DRC1: variants seen among roughly 807,000 people sequenced by gnomAD.
DRC1 encodes dynein regulatory complex protein 1.
A neutral mutation model predicts 98.7 loss-of-function variants in DRC1; 74 were observed. The observed-to-expected ratio is 0.75, with a 90% confidence interval of 0.62 to 0.91. DRC1 has a LOEUF of 0.91. DRC1 is among the 40% of genes least tolerant of loss of function. DRC1 has a pLI of 0.00. For missense variants in DRC1, 875 were observed against 886.0 expected, an observed-to-expected ratio of 0.99 and a Z score of 0.16; for synonymous variants, 336 against 334.1, an observed-to-expected ratio of 1.01 and a Z score of -0.06.
chr2:26,416,265 T>A (rs1459023535), intron 2 of DRC1, among the ~76,000 whole-genome samples: 1 of 152,092 alleles, frequency 6.6e-6, no homozygotes, highest in African/African-American at 2.4e-5. Context: ...TTTTTTCTTT[T>A]TTGAGACGGA....
At chr2:26,446,277 T>C (rs1663850724) in intron 10 of DRC1, among the ~76,000 whole-genome samples, 1 of 151,870 alleles carries the variant, frequency 6.6e-6, no homozygotes, top group Non-Finnish European at 1.5e-5. Flanking sequence ...TTGTATTTTT[T>C]TGTAGAGACA....
At chr2:26,426,285 C>T (rs1380719420) in intron 4 of DRC1, among the ~76,000 whole-genome samples, 2 of 151,950 alleles carry the variant, frequency 1.3e-5, no homozygotes, top group African/African-American at 4.8e-5. Context: ...TCTGGGCTCT[C>T]TAGTTCCCTT....
At chr2:26,430,958 CTTTTTTTTTTTT>C (rs5830013) in intron 6 of DRC1, 86 bp downstream of exon 6, 1 of 326,792 alleles carries the variant, frequency 3.1e-6, no homozygotes, top group African/African-American at 3.0e-5. Context: ...CTTTTTCTAT[CTTTTTTTTTTTT>C]TTTTTTTTGA....
At chr2:26,403,253 A>C (rs1441426256) in intron 1 of DRC1, among the ~76,000 whole-genome samples, 1 of 152,216 alleles carries the variant, frequency 6.6e-6, no homozygotes, top group Non-Finnish European at 1.5e-5. Context: ...CACATTTGTA[A>C]CAATATATGA....
chr2:26,412,543 T>TGAA (rs1678649690), intron 1 of DRC1, among the ~76,000 whole-genome samples: 1 of 152,108 alleles, frequency 6.6e-6, no homozygotes. Context: ...ATGCCTCCCC[T>TGAA]GAAGAAGTCT....
At chr2:26,428,612 C>T (rs771983699) in intron 4 of DRC1, among the ~76,000 whole-genome samples, 14 of 152,300 alleles carry the variant, frequency 9.2e-5, no homozygotes, top group Middle Eastern at 6.8e-3. Flanking sequence ...TCCTGGCTAA[C>T]ACGGTGAAAC....
Position 26,451,506 on chromosome 2 carries a change from C to CA in DRC1, c.1689+826dup, listed in dbSNP as rs771481214. Among the ~76,000 whole-genome samples, 12 of 152,256 alleles carry CA rather than the reference C, an allele frequency of 7.9e-5. No individual in the cohort carries two copies. The South Asian group carries it at 2.5e-3, about 32-fold the overall frequency. On this transcript the variant is annotated intron_variant, in intron 13 of 16. Transcript: ENST00000288710. ...GCTAGCCCAAAGCTGAGTATCCTGA[C>CA]ATGCCTGTAAAAAGAGTTGGCTGGG...
At chr2:26,452,061 G>A in intron 13 of DRC1, among the ~76,000 whole-genome samples, 1 of 148,992 alleles carries the variant, frequency 6.7e-6, no homozygotes, top group African/African-American at 2.5e-5. Context: ...TAAAATGGCT[G>A]ATTTCCATTT....
intron 1 of DRC1, among the ~76,000 whole-genome samples, chr2:26,403,034 T>C (rs1678302210): frequency 6.6e-6 from 1 of 152,238 alleles, no homozygotes; most frequent in Non-Finnish European, 1.5e-5. Flanking sequence ...TGTGTTCCAA[T>C]AAAGCTTTAT....
intron 4 of DRC1, among the ~76,000 whole-genome samples, chr2:26,425,533 C>T (rs1663260772): frequency 6.6e-6 from 1 of 152,190 alleles, no homozygotes; most frequent in South Asian, 2.1e-4. Flanking sequence ...ATTTTACATT[C>T]CCACCAACAG....
chr2:26,410,294 G>A lies in DRC1; in HGVS notation c.156-4050G>A, dbSNP rs182106465. 5.3e-3 allele frequency among the ~76,000 whole-genome samples: 770 copies of A among 144,154 alleles called. 27 individuals carry two copies. The South Asian group carries it at 0.083, about 16-fold the overall frequency. The allele number at this position is 144,154 out of a possible 152,430, so 94.6% of individuals were successfully genotyped here. A position where few individuals can be genotyped will look rare whatever the true frequency, so the allele number is the denominator to read the frequency against. On this transcript the variant is annotated intron_variant, in intron 1 of 16. Transcript: ENST00000288710. ...TTATTATTATTATTAATTTTGATAC[G>A]GAGTTTCACTCTTGTTGCCCAGGCT...
intron 8 of DRC1, 136 bp downstream of exon 8, chr2:26,440,653 A>G: frequency 8.6e-7 from 1 of 1,163,480 alleles, no homozygotes; most frequent in South Asian, 2.6e-5. Flanking sequence ...TTTTTGGAAA[A>G]GTTAATACAT....
chr2:26,417,847 T>A (rs111266949), intron 2 of DRC1, among the ~76,000 whole-genome samples: 2,801 of 152,334 alleles, frequency 0.018, 86 homozygotes, highest in African/African-American at 0.064. Flanking sequence ...TGGTATCTGG[T>A]GACCTTGCCA....
intron 10 of DRC1, chr2:26,448,397 G>A (rs770401558): frequency 2.8e-5 from 16 of 568,806 alleles, no homozygotes; most frequent in Non-Finnish European, 4.5e-5. Flanking sequence ...CCTGGTTCAT[G>A]GCTGGATTTT....
In DRC1 at chr2:26,454,605, G is replaced by A. The variant is rs767547030; in HGVS notation, c.1920-42G>A. 2.5e-6 allele frequency: 4 copies of A among 1,609,692 alleles called. No individual in the cohort carries two copies. Among genetic ancestry groups the A allele is most frequent in the East Asian group, 4.5e-5 (2 of 44,830 alleles). On this transcript the variant is annotated intron_variant, in intron 14 of 16. Transcript: ENST00000288710. This position sits in a 1 kb window ranked among gnomAD's most constrained non-coding sequence, Gnocchi z 5.2. ...CTGGCACTGCCTGGGGGCCTGGGTA[G>A]TACCCAATGGACATGACAATCACTG...
At chr2:26,446,241 C>A (rs1663850038) in intron 10 of DRC1, among the ~76,000 whole-genome samples, 2 of 151,942 alleles carry the variant, frequency 1.3e-5, no homozygotes, top group South Asian at 4.1e-4. Flanking sequence ...GGACCAAAGA[C>A]TCATGCCACA....
chr2:26,438,526 G>T (rs1307029836), intron 7 of DRC1, among the ~76,000 whole-genome samples: 2 of 152,078 alleles, frequency 1.3e-5, no homozygotes, highest in Non-Finnish European at 1.5e-5. Context: ...GATATTACAG[G>T]CTTCTGTTCT....
chr2:26,404,087 G>A (rs1434745998), intron 1 of DRC1, among the ~76,000 whole-genome samples: 14 of 151,584 alleles, frequency 9.2e-5, no homozygotes, highest in Admixed American at 3.3e-4. Flanking sequence ...GCGACAGAGC[G>A]AGACTCTGTC....
intron 7 of DRC1, among the ~76,000 whole-genome samples, chr2:26,439,936 TACACACACAC>T (rs1553342452): frequency 0.012 from 931 of 74,786 alleles, no homozygotes; most frequent in Non-Finnish European, 0.019. Flanking sequence ...TATATATATA[TACACACACAC>T]ATACACACAC....
Sources: gnomAD v4.1 joint callset for allele counts (sites outside exome capture counted in the v4.1 genomes callset) on GRCh38, gnomAD v4.1.1 for gene constraint, Gnocchi (gnomAD v3.1) non-coding constraint, MANE v1.5 for transcripts, NCBI Gene and HGNC (gene_info 2026-07-23, HGNC 2026-07-21) for gene names.